The following KCNA3 variants were observed in gnomAD, a reference collection of about 807,000 sequenced individuals.
KCNA3 encodes RP11-284N8.3.
In KCNA3, 18 loss-of-function variants were observed where a neutral mutation model predicts 34.3. That is an observed-to-expected ratio of 0.52 (90% confidence interval 0.36 to 0.78). The LOEUF (loss-of-function observed/expected upper bound fraction) is 0.78, where lower values mean the gene tolerates loss of function less well. Ranked by LOEUF, KCNA3 falls within the 30% of genes least tolerant of loss-of-function variation. The probability of loss-of-function intolerance (pLI) is 0.00; values close to 1 mark genes in which losing one functional copy is unlikely to be tolerated. For synonymous variants in KCNA3, 324 were observed against 351.7 expected (o/e 0.92, Z 0.88); for missense variants, 587 against 802.5 (o/e 0.73, Z 3.24).
chr1:110,669,559 C>T (rs930239027), downstream of KCNA3, among the ~76,000 whole-genome samples: 46 of 152,098 alleles, frequency 3.0e-4, no homozygotes, highest in African/African-American at 1.1e-3. Context: ...TACATGAACT[C>T]ATTAATTAGT....
At chr1:110,667,821 T>G (rs1168327417), downstream of KCNA3, among the ~76,000 whole-genome samples, 1 of 152,168 alleles carries the variant, frequency 6.6e-6, no homozygotes, top group African/African-American at 2.4e-5. Flanking sequence ...ATCTGAAAGT[T>G]TTCTAACCAG....
downstream of KCNA3, among the ~76,000 whole-genome samples, chr1:110,668,320 G>T (rs1417836314): frequency 6.6e-6 from 1 of 152,154 alleles, no homozygotes; most frequent in Non-Finnish European, 1.5e-5. Context: ...ATTCACAGCT[G>T]AGAGGTGGGA....
the KCNA3 span, among the ~76,000 whole-genome samples, chr1:110,660,328 C>A: frequency 6.6e-6 from 1 of 152,188 alleles, no homozygotes. Flanking sequence ...CAAAATTTAT[C>A]TTCAGCCTTA....
At chr1:110,671,052 CCT>C (rs1487008438), downstream of KCNA3, among the ~76,000 whole-genome samples, 1 of 151,938 alleles carries the variant, frequency 6.6e-6, no homozygotes, top group Admixed American at 6.6e-5. Flanking sequence ...TATTTTTAAC[CCT>C]TTTTTGTTTC....
rs1318678853 is a variant in KCNA3 at position 110,673,305 on chromosome 1, A to C, written c.1505T>G (p.Val502Gly). ...EGEEQSQYMHVGSCQHLSSSA... is the reference protein window; with the variant it reads ...EGEEQSQYMHGGSCQHLSSSA... ...AGAGGAGAGGTGCTGGCAACTTCCCACGTGCATGTACTGGGATTGCTCTTC... is the reference window on the plus strand; with the variant it reads ...AGAGGAGAGGTGCTGGCAACTTCCCCCGTGCATGTACTGGGATTGCTCTTC... The change falls in exon 1 of 1, where the codon GTG becomes GGG. Residue 502 changes from valine (V) to glycine (G), a missense_variant. By Grantham distance (109) the Val-to-Gly change is moderately radical. This residue lies in a region of KCNA3 where 95 missense variants were observed against 107.3 expected (regional missense o/e 0.89). Transcript: ENST00000369769. The surrounding 1 kb of genome is among the most constrained non-coding windows in gnomAD (Gnocchi z 8.8). The C allele has an allele frequency of 6.2e-7, 1 of 1,613,472 alleles. No individual in the cohort carries two copies. The highest frequency in any genetic ancestry group is 1.3e-5 in the African/African-American group (1 of 74,736).
the KCNA3 span, among the ~76,000 whole-genome samples, chr1:110,662,968 T>C: frequency 6.6e-6 from 1 of 152,166 alleles, no homozygotes; most frequent in East Asian, 1.9e-4. Context: ...CCCAGTTAAT[T>C]TTGCTCTTTA....
At chr1:110,670,430 C>T (rs1651847298), downstream of KCNA3, among the ~76,000 whole-genome samples, 2 of 152,174 alleles carry the variant, frequency 1.3e-5, no homozygotes, top group African/African-American at 4.8e-5. Context: ...AATTATGGCA[C>T]AACCATAATT....
At chr1:110,655,851 T>C in the KCNA3 span, 1 of 152,188 alleles carries the variant, frequency 6.6e-6, no homozygotes, top group African/African-American at 2.4e-5. Context: ...AATATACTGC[T>C]GTTTTTCAAT....
downstream of KCNA3, among the ~76,000 whole-genome samples, chr1:110,671,230 G>A (rs1277836003): frequency 6.6e-6 from 1 of 152,176 alleles, no homozygotes; most frequent in Non-Finnish European, 1.5e-5. Context: ...TTTGGCTTGA[G>A]TGAAGGTTAT....
In KCNA3 at chr1:110,673,382, A is replaced by T. The variant is rs1651959223; in HGVS notation, c.1428T>A (p.Val476=). 12 of 1,613,868 alleles carry T rather than the reference A, an allele frequency of 7.4e-6. No homozygotes were observed. The highest frequency in any genetic ancestry group is 1.0e-5 in the Non-Finnish European group (12 of 1,180,004). Residue 476 remains valine, a synonymous_variant, in exon 1 of 1, where the codon GTT becomes GTA. Transcript: ENST00000369769. The surrounding 1 kb of genome is among the most constrained non-coding windows in gnomAD (Gnocchi z 8.8). Reference sequence around the variant, plus strand: ...AATTGAAGTTGGAAACAATCACGGGAACTGGCAATGCGATGGTCAAGACAC... The same window carrying T: ...AATTGAAGTTGGAAACAATCACGGGTACTGGCAATGCGATGGTCAAGACAC... ...IAGVLTIALP[V]PVIVSNFNYF... is the part of the protein sequence containing the mutation.
chr1:110,669,993 T>G (rs1001535124), downstream of KCNA3, among the ~76,000 whole-genome samples: 1 of 152,194 alleles, frequency 6.6e-6, no homozygotes, highest in Non-Finnish European at 1.5e-5. Flanking sequence ...GTGTTCTACC[T>G]GTATTAACAT....
chr1:110,665,891 G>T, the KCNA3 span, among the ~76,000 whole-genome samples: 15 of 152,258 alleles, frequency 9.9e-5, no homozygotes, highest in African/African-American at 3.6e-4. Context: ...GTTATATGAG[G>T]TTACCAGTGA....
rs746422390 is a variant in KCNA3, at chr1:110,674,285, C to A, written c.525G>T (p.Val175=). The change falls in exon 1 of 1, where the codon GTG becomes GTT. Residue 175 remains valine, a synonymous_variant. Transcript: ENST00000369769. The surrounding 1 kb of genome is among the most constrained non-coding windows in gnomAD (Gnocchi z 6.4). ...SGGRIRRPVN[V]PIDIFSEEIR... is the part of the protein sequence containing the mutation. ...TCTCCTCGGAGAAAATGTCGATGGGCACGTTGACCGGCCGGCGGATGCGGC... is the reference window on the plus strand; with the variant it reads ...TCTCCTCGGAGAAAATGTCGATGGGAACGTTGACCGGCCGGCGGATGCGGC... 3 of 1,614,048 alleles carry A rather than the reference C, an allele frequency of 1.9e-6. No individual in the cohort carries two copies. In the South Asian group the frequency reaches 3.3e-5, roughly 18 times the overall value.
the KCNA3 span, chr1:110,656,503 T>C: frequency 1.3e-5 from 2 of 152,148 alleles, no homozygotes; most frequent in Non-Finnish European, 2.9e-5. Context: ...AGATGAGACA[T>C]ACAGATTACT....
chr1:110,654,153 A>C, the KCNA3 span: 2 of 152,194 alleles, frequency 1.3e-5, no homozygotes, highest in African/African-American at 4.8e-5. Flanking sequence ...GTCATATTTT[A>C]ACTGGGAAAA....
chr1:110,672,361 G>T (rs1651920519), downstream of KCNA3: 1 of 152,560 alleles, frequency 6.6e-6, no homozygotes, highest in African/African-American at 2.4e-5. Context: ...ATAGTTGTTG[G>T]GGCTGGGACA....
chr1:110,662,145 G>A, the KCNA3 span, among the ~76,000 whole-genome samples: 1 of 137,240 alleles, frequency 7.3e-6, no homozygotes, highest in African/African-American at 2.7e-5. Context: ...AATTCAGAAT[G>A]TCTATATTAG....
At chr1:110,667,810 C>T (rs1651737107), downstream of KCNA3, among the ~76,000 whole-genome samples, 1 of 152,130 alleles carries the variant, frequency 6.6e-6, no homozygotes, top group Non-Finnish European at 1.5e-5. Flanking sequence ...TCAAGACAAA[C>T]ATCTGAAAGT....
the KCNA3 span, among the ~76,000 whole-genome samples, chr1:110,658,269 T>C: frequency 6.6e-6 from 1 of 152,220 alleles, no homozygotes; most frequent in Non-Finnish European, 1.5e-5. Flanking sequence ...ATCAAAACAT[T>C]TATAATCTTG....
Sources: allele counts gnomAD v4.1 joint callset (sites outside exome capture counted in the v4.1 genomes callset), GRCh38; gene constraint gnomAD v4.1.1; regional missense constraint gnomAD v4.1.1; non-coding constraint Gnocchi (gnomAD v3.1); transcripts MANE v1.5; gene names NCBI Gene and HGNC (gene_info 2026-07-23, HGNC 2026-07-21).